FOXP4: variants seen among roughly 807,000 people sequenced by gnomAD.
The protein encoded by FOXP4 is forkhead box protein P4.
FOXP4 carries 25 observed loss-of-function variants against 82.6 expected under a neutral mutation model. The observed-to-expected ratio is 0.30, with a 90% confidence interval of 0.22 to 0.42. The LOEUF is 0.42. Among genes scored for constraint, FOXP4 ranks in the 10% least tolerant of loss-of-function variants. The pLI is 1.00. For missense variants in FOXP4, 785 were observed against 900.9 expected (o/e 0.87, Z 1.65); for synonymous variants, 415 against 388.2 (o/e 1.07, Z -0.81).
chr6:41,560,556 G>T (rs775164050), intron 1 of FOXP4, among the ~76,000 whole-genome samples: 1 of 152,216 alleles, frequency 6.6e-6, no homozygotes, highest in Non-Finnish European at 1.5e-5. Context: ...CCGGCAGGAC[G>T]CGCGCCCAGG....
At chr6:41,563,598 C>T (rs536209080) in intron 1 of FOXP4, among the ~76,000 whole-genome samples, 1 of 152,312 alleles carries the variant, frequency 6.6e-6, no homozygotes, top group African/African-American at 2.4e-5. Context: ...TCGATGATCT[C>T]TGTGCAATCT....
intron 1 of FOXP4, among the ~76,000 whole-genome samples, chr6:41,564,066 CT>C (rs1173386955): frequency 2.6e-5 from 4 of 152,200 alleles, no homozygotes; most frequent in African/African-American, 9.7e-5. Flanking sequence ...ATGGTCTGAC[CT>C]GTTTGACTGA....
At chr6:41,580,356 G>A (rs368560815) in intron 3 of FOXP4, among the ~76,000 whole-genome samples, 6 of 152,224 alleles carry the variant, frequency 3.9e-5, no homozygotes, top group South Asian at 4.1e-4. Context: ...GATTACAGGC[G>A]TGAGCCATCG....
chr6:41,575,146 T>A (rs1245549629), intron 2 of FOXP4, among the ~76,000 whole-genome samples: 1 of 152,244 alleles, frequency 6.6e-6, no homozygotes, highest in Admixed American at 6.5e-5. Context: ...TTTTTTGTAT[T>A]TTTAGTAGAG....
intron 8 of FOXP4, among the ~76,000 whole-genome samples, chr6:41,588,241 C>T (rs529188748): frequency 5.3e-5 from 8 of 152,190 alleles, no homozygotes; most frequent in East Asian, 3.9e-4. Context: ...GGCTGAGGGC[C>T]GCAGACAGGC....
chr6:41,563,652 T>TA (rs1157019339), intron 1 of FOXP4, among the ~76,000 whole-genome samples: 1 of 152,140 alleles, frequency 6.6e-6, no homozygotes, highest in African/African-American at 2.4e-5. Context: ...TCCTCACCCT[T>TA]ACAATTATGG....
At position 41,591,253 on chromosome 6, in the gene FOXP4, C is replaced by T; in HGVS notation, c.1467C>T (p.Thr489=). 1 of 1,610,474 alleles carries T rather than the reference C, an allele frequency of 6.2e-7. No individual in the cohort carries two copies. Among genetic ancestry groups the T allele is most frequent in the Admixed American group, 1.7e-5 (1 of 59,568 alleles). ...AILETPDRQL[T]LNEIYNWFTR... Reference sequence around the variant, plus strand: ...TGGAAACCCCTGACAGGCAGCTGACCCTGAATGAGATCTATAACTGGTTCA... The same window carrying T: ...TGGAAACCCCTGACAGGCAGCTGACTCTGAATGAGATCTATAACTGGTTCA... The change falls in exon 13 of 17, where the codon ACC becomes ACT. Residue 489 remains threonine (T), a synonymous_variant. Transcript: ENST00000307972. The surrounding 1 kb of genome is among the most constrained non-coding windows in gnomAD (Gnocchi z 4.2).
At chr6:41,585,617 A>G (rs1056410945) in intron 5 of FOXP4, 100 bp downstream of exon 5, 3 of 1,095,394 alleles carry the variant, frequency 2.7e-6, no homozygotes, top group East Asian at 5.2e-5. Context: ...GAATAGTAGA[A>G]AAATCTAGAA....
Position 41,590,305 on chromosome 6 carries a change from C to A in FOXP4, c.1392C>A (p.Ala464=), listed in dbSNP as rs34992960. The A allele has an allele frequency of 6.2e-7, 1 of 1,613,978 alleles. No homozygotes were observed. Among genetic ancestry groups the A allele is most frequent in the South Asian group, 1.1e-5 (1 of 91,074 alleles). The part of the protein sequence containing the change: ...LAQNHEFYKN[A]DVRPPFTYAS... ...AGAATCATGAGTTCTACAAGAACGC[C>A]GACGTCCGGCCCCCCTTCACCTACG... The change falls in exon 12 of 17, where the codon GCC becomes GCA. Residue 464 remains alanine (A), a synonymous_variant. Transcript: ENST00000307972.
intron 2 of FOXP4, among the ~76,000 whole-genome samples, chr6:41,573,059 T>G (rs1765286185): frequency 6.6e-6 from 1 of 152,152 alleles, no homozygotes; most frequent in Non-Finnish European, 1.5e-5. Context: ...TGGCCCAAGC[T>G]CTTCGACTTC....
Position 41,593,822 on chromosome 6 carries a change from G to A in FOXP4, c.1537-1048G>A, listed in dbSNP as rs1218753619. On this transcript the variant is annotated intron_variant, in intron 13 of 16. Coordinates refer to ENST00000307972, the MANE Select transcript of FOXP4 (RefSeq NM_001012426.2). This position sits in a 1 kb window ranked among gnomAD's most constrained non-coding sequence, Gnocchi z 4.1. ...CAAGTGGCAAGAGTTGGAAGGGAGA[G>A]AGGGAGAGGGATCTCCAGGGGCACG... 3.3e-5 allele frequency among the ~76,000 whole-genome samples: 5 copies of A among 152,238 alleles called. No individual in the cohort carries two copies. The highest frequency in any genetic ancestry group is 4.4e-5 in the Non-Finnish European group (3 of 68,048).
At chr6:41,592,787 G>C (rs1581785594) in intron 13 of FOXP4, among the ~76,000 whole-genome samples, 1 of 152,006 alleles carries the variant, frequency 6.6e-6, no homozygotes, top group South Asian at 2.1e-4. Context: ...AGGTGACCTG[G>C]TTTAGGTGAC....
chr6:41,576,053 C>T (rs890421208), intron 2 of FOXP4, among the ~76,000 whole-genome samples: 2 of 151,458 alleles, frequency 1.3e-5, no homozygotes, highest in East Asian at 1.9e-4. Context: ...CCCGCAACCC[C>T]CCCCCCCACC....
Position 41,599,086 on chromosome 6 carries a change from C to A in FOXP4, c.*150C>A. ...CCGGGCCAGCAGCTCCCAGTGTGACCTGACAAAAACACGTAGGGGCAGGGA... is the reference window on the plus strand; with the variant it reads ...CCGGGCCAGCAGCTCCCAGTGTGACATGACAAAAACACGTAGGGGCAGGGA... On this transcript the variant is annotated 3_prime_UTR_variant, in exon 17 of 17. Transcript: ENST00000307972. 1 of 1,097,484 alleles carries A rather than the reference C, an allele frequency of 9.1e-7. No homozygotes were observed. Among genetic ancestry groups the A allele is most frequent in the Admixed American group, 3.0e-5 (1 of 33,608 alleles). The allele number at this position is 1,097,484 out of a possible 1,614,324, so 68.0% of individuals were successfully genotyped here.
rs1385107633 is a variant in FOXP4, at chr6:41,597,896, C to T, written c.1841C>T (p.Pro614Leu). 2.4e-5 allele frequency: 38 copies of T among 1,588,940 alleles called. No individual in the cohort carries two copies. Among genetic ancestry groups the T allele is most frequent in the Admixed American group, 8.6e-5 (5 of 58,466 alleles). The change falls in exon 16 of 17, where the codon CCG becomes CTG. Residue 614 changes from proline (P) to leucine (L), a missense_variant. This residue lies in a region of FOXP4 where 184 missense variants were observed against 187.3 expected (regional missense o/e 0.98). Coordinates refer to ENST00000307972, the MANE Select transcript of FOXP4 (RefSeq NM_001012426.2). ...SHDDVGAPVE[P>L]LPSNGSSSPP... is the part of the protein sequence containing the mutation. ...GATGACGTGGGTGCCCCCGTGGAGC[C>T]GCTGCCCAGCAACGGCAGCAGCAGC... is the stretch of plus-strand genomic sequence containing the variant.
chr6:41,593,595 A>G lies in FOXP4; in HGVS notation c.1537-1275A>G, dbSNP rs1219684129. 6.6e-6 allele frequency among the ~76,000 whole-genome samples: 1 copy of G among 152,226 alleles called. No homozygotes were observed. Among genetic ancestry groups the G allele is most frequent in the Non-Finnish European group, 1.5e-5 (1 of 68,038 alleles). ...GGAAATTGGGGTCATTCTCATTTGCAAAGCGGAGGATCGGAGCCCCGTAAT... is the reference window on the plus strand; with the variant it reads ...GGAAATTGGGGTCATTCTCATTTGCGAAGCGGAGGATCGGAGCCCCGTAAT... On this transcript the variant is annotated intron_variant, in intron 13 of 16. Coordinates refer to ENST00000307972, the MANE Select transcript of FOXP4 (RefSeq NM_001012426.2). The surrounding 1 kb of genome is among the most constrained non-coding windows in gnomAD (Gnocchi z 4.1).
chr6:41,589,971 G>A lies in FOXP4; in HGVS notation c.1158G>A (p.Pro386=), dbSNP rs376799111. Residue 386 remains proline (P), a synonymous_variant, in exon 11 of 17, where the codon CCG becomes CCA. Coordinates refer to ENST00000307972, the MANE Select transcript of FOXP4 (RefSeq NM_001012426.2). ...EPKPFSQPLN[P]VPGSSSFSKV... is the part of the protein sequence containing the mutation. ...CTCCCCGTTGCTCACAGCTGAACCCGGTCCCCGGCTCCTCCTCATTCTCCA... is the reference window on the plus strand; with the variant it reads ...CTCCCCGTTGCTCACAGCTGAACCCAGTCCCCGGCTCCTCCTCATTCTCCA... 83 of 1,613,086 alleles carry A rather than the reference G, an allele frequency of 5.1e-5. No individual in the cohort carries two copies. The highest frequency in any genetic ancestry group is 7.7e-5 in the South Asian group (7 of 91,024).
intron 3 of FOXP4, among the ~76,000 whole-genome samples, chr6:41,581,503 T>C (rs1765799915): frequency 6.6e-6 from 1 of 152,302 alleles, no homozygotes; most frequent in Admixed American, 6.5e-5. Context: ...CCAGCTACTC[T>C]CCAGATGGTG....
chr6:41,577,099 A>G (rs1008120399), intron 2 of FOXP4, among the ~76,000 whole-genome samples: 6 of 150,574 alleles, frequency 4.0e-5, no homozygotes, highest in Non-Finnish European at 8.9e-5. Context: ...GGCCCCTCCT[A>G]CTCCTTGACT....
Sources: allele counts gnomAD v4.1 joint callset (sites outside exome capture counted in the v4.1 genomes callset), GRCh38; gene constraint gnomAD v4.1.1; regional missense constraint gnomAD v4.1.1; non-coding constraint Gnocchi (gnomAD v3.1); transcripts MANE v1.5; gene names NCBI Gene and HGNC (gene_info 2026-07-23, HGNC 2026-07-21).